The following PCDHA11 variants were observed in gnomAD, a reference collection of about 807,000 sequenced individuals.
PCDHA11 encodes the protein protocadherin alpha 11.
In PCDHA11, 61 loss-of-function variants were observed where a neutral mutation model predicts 70.3. That is an observed-to-expected ratio of 0.87 (90% CI 0.71 to 1.07). The LOEUF (loss-of-function observed/expected upper bound fraction) is 1.07. Among genes scored for constraint, PCDHA11 ranks in the 50% least tolerant of loss-of-function variants. PCDHA11 has a pLI of 0.00. For synonymous variants in PCDHA11, 633 were observed against 555.1 expected, an observed-to-expected ratio of 1.14 and a Z score of -1.97; for missense variants, 1,324 against 1,237.5, an observed-to-expected ratio of 1.07 and a Z score of -1.05.
At position 140,877,386 on chromosome 5, in the gene PCDHA11, T is replaced by G. The variant is rs782310487; in HGVS notation, c.2391+5892T>G. 5 of 1,613,816 alleles carry G rather than the reference T, an allele frequency of 3.1e-6. No individual in the cohort carries two copies. In the African/African-American group the frequency reaches 6.7e-5, roughly 22 times the overall value. On this transcript the variant is annotated intron_variant, in intron 1 of 3. Coordinates refer to ENST00000398640, the MANE Select transcript of PCDHA11 (RefSeq NM_018902.5). ...AGATCAGCACGACACGCATCCTGGA[T>G]GAGGCGGACGCTCCGCGCCACCGCC... is the stretch of plus-strand genomic sequence containing the variant.
Position 140,870,842 on chromosome 5 carries a change from T to G in PCDHA11, c.1739T>G (p.Val580Gly), listed in dbSNP as rs781830221. The G allele has an allele frequency of 6.2e-7, 1 of 1,613,798 alleles. No homozygotes were observed. Among genetic ancestry groups the G allele is most frequent in the Non-Finnish European group, 8.5e-7 (1 of 1,179,866 alleles). ...GCGGGAGGCGCAGTTAACAAGCTAG[T>G]ACCGCGGTCGGTGGGTGCGGGCCAC... ...GSAGGAVNKL[V>G]PRSVGAGHVV... Residue 580 changes from valine (V) to glycine (G), a missense_variant, in exon 1 of 4, where the codon GTA (valine) becomes GGA (glycine). By Grantham distance (109) the Val-to-Gly change is moderately radical. Transcript: ENST00000398640.
At chr5:140,973,449 C>CT (rs2096588066) in intron 1 of PCDHA11, among the ~76,000 whole-genome samples, 1 of 152,188 alleles carries the variant, frequency 6.6e-6, no homozygotes, top group African/African-American at 2.4e-5. Flanking sequence ...TTTATAATGA[C>CT]TGGGGCTGTT....
chr5:140,935,318 T>A (rs1554210460), intron 1 of PCDHA11, among the ~76,000 whole-genome samples: 1 of 152,194 alleles, frequency 6.6e-6, no homozygotes, highest in African/African-American at 2.4e-5. Flanking sequence ...TTCATCAATC[T>A]TACATTCCTA....
rs782773036 is a variant in PCDHA11 at position 140,870,430 on chromosome 5, G to T, written c.1327G>T (p.Glu443Ter). 3 of 1,614,226 alleles carry T rather than the reference G, an allele frequency of 1.9e-6. No homozygotes were observed. In the African/African-American group the frequency reaches 4.0e-5, roughly 22 times the overall value. The stretch of plus-strand genomic sequence containing the variant: ...GTGGGCCACGGCCAGGGTATCCGTG[G>T]AGGTGGCCGACGTGAACGACAATGC... ...SLWATARVSV[E>*]VADVNDNAPA... The change falls in exon 1 of 4, where the codon GAG becomes TAG. Residue 443 changes from glutamate to a stop codon, truncating the protein, a stop_gained. Transcript: ENST00000398640. LOFTEE classifies it high-confidence loss of function.
intron 1 of PCDHA11, chr5:140,877,110 C>A (rs1554169339): frequency 1.1e-5 from 18 of 1,613,500 alleles, no homozygotes; most frequent in Middle Eastern, 1.7e-4. Flanking sequence ...CGCCTCTGGG[C>A]AGCAACGTGA....
At chr5:140,988,483 C>T (rs2097299555) in intron 3 of PCDHA11, among the ~76,000 whole-genome samples, 2 of 152,030 alleles carry the variant, frequency 1.3e-5, no homozygotes, top group African/African-American at 4.8e-5. Context: ...AATTAGCATC[C>T]CCTACCTAGG....
chr5:140,898,338 C>G (rs2066670384), intron 1 of PCDHA11, among the ~76,000 whole-genome samples: 2 of 152,188 alleles, frequency 1.3e-5, no homozygotes, highest in African/African-American at 2.4e-5. Flanking sequence ...ACGTTTAAGT[C>G]TTTAATCCAT....
chr5:140,969,549 C>G (rs1213967618), intron 1 of PCDHA11: 33 of 1,238,058 alleles, frequency 2.7e-5, no homozygotes, highest in Non-Finnish European at 3.4e-5. Flanking sequence ...AGGCATGAAG[C>G]CTTGTCCATA....
chr5:140,997,575 C>T (rs565835201), intron 3 of PCDHA11, among the ~76,000 whole-genome samples: 5 of 151,884 alleles, frequency 3.3e-5, no homozygotes, highest in East Asian at 3.9e-4. Context: ...ATGTGTGGTC[C>T]GTTGTTGACT....
chr5:140,932,975 A>G (rs2088770619), intron 1 of PCDHA11, among the ~76,000 whole-genome samples: 1 of 152,012 alleles, frequency 6.6e-6, no homozygotes, highest in African/African-American at 2.4e-5. Flanking sequence ...GGTTTTTACA[A>G]TGCTCAAATG....
intron 1 of PCDHA11, among the ~76,000 whole-genome samples, chr5:140,899,629 G>T (rs2067446538): frequency 6.6e-6 from 1 of 152,116 alleles, no homozygotes; most frequent in African/African-American, 2.4e-5. Flanking sequence ...AAGGATATTG[G>T]TCTAAAATTC....
intron 1 of PCDHA11, chr5:140,875,473 A>G (rs782269579): frequency 6.2e-6 from 10 of 1,606,342 alleles, no homozygotes; most frequent in Non-Finnish European, 8.5e-6. Flanking sequence ...ATTTTCTGCA[A>G]TGGTGATTAT....
intron 1 of PCDHA11, among the ~76,000 whole-genome samples, chr5:140,952,159 G>T (rs1226707673): frequency 2.0e-5 from 3 of 152,056 alleles, no homozygotes; most frequent in African/African-American, 7.2e-5. Context: ...TGGCTTTGTG[G>T]GGTTCAGTTC....
intron 1 of PCDHA11, among the ~76,000 whole-genome samples, chr5:140,923,593 A>G (rs2081438423): frequency 6.6e-6 from 1 of 152,246 alleles, no homozygotes. Flanking sequence ...TTGTTAATTC[A>G]TAATTTTAAT....
intron 3 of PCDHA11, among the ~76,000 whole-genome samples, chr5:140,987,362 A>G (rs1490856237): frequency 6.6e-6 from 1 of 152,208 alleles, no homozygotes; most frequent in Non-Finnish European, 1.5e-5. Flanking sequence ...AGGTTGTCTT[A>G]TATCATTACA....
At position 141,011,610 on chromosome 5, in the gene PCDHA11, A is replaced by G. The variant is rs1259686391; in HGVS notation, c.*1673A>G. ...ACTGGTGATTCAAGGAATTTTATTT[A>G]TGGTCCAGCCAAGAGCCATCTCGTG... On this transcript the variant is annotated 3_prime_UTR_variant, in exon 4 of 4. Transcript: ENST00000398640. 6 of 153,722 alleles carry G rather than the reference A, an allele frequency of 3.9e-5. No individual in the cohort carries two copies. Among genetic ancestry groups the G allele is most frequent in the African/African-American group, 1.2e-4 (5 of 41,448 alleles). 9.5% of individuals were successfully genotyped at this position (153,722 alleles called of 1,614,324 possible). A position where few individuals can be genotyped will look rare whatever the true frequency, so the allele number is the denominator to read the frequency against.
chr5:140,942,108 A>C (rs2093230471), intron 1 of PCDHA11, among the ~76,000 whole-genome samples: 1 of 152,238 alleles, frequency 6.6e-6, no homozygotes. Context: ...TCATATAATC[A>C]AACTTTATTA....
chr5:140,956,177 A>G (rs1261759530), intron 1 of PCDHA11, among the ~76,000 whole-genome samples: 6 of 152,192 alleles, frequency 3.9e-5, no homozygotes, highest in Non-Finnish European at 8.8e-5. Flanking sequence ...AGAACTTCCA[A>G]TACTATGCTG....
chr5:140,928,297 G>A, intron 1 of PCDHA11: 1 of 1,614,112 alleles, frequency 6.2e-7, no homozygotes, highest in Non-Finnish European at 8.5e-7. Flanking sequence ...CCGAGTGTTT[G>A]CCCAGGACCC....
Sources: gnomAD v4.1 joint callset for allele counts (sites outside exome capture counted in the v4.1 genomes callset) on GRCh38, gnomAD v4.1.1 for gene constraint, MANE v1.5 for transcripts, NCBI Gene and HGNC (gene_info 2026-07-23, HGNC 2026-07-21) for gene names.